Variants in CAMK2D observed in about 807,000 individuals in gnomAD.
CAMK2D encodes the protein calcium/calmodulin dependent protein kinase II delta.
A neutral mutation model predicts 84.0 loss-of-function variants in CAMK2D; 37 were observed. The ratio of observed to expected loss-of-function variants is 0.44; its 90% CI spans 0.34 to 0.58. CAMK2D has a LOEUF of 0.58. Among genes scored for constraint, CAMK2D ranks in the 20% least tolerant of loss-of-function variants. The pLI is 0.02. For synonymous variants in CAMK2D, 202 were observed against 212.5 expected, an observed-to-expected ratio of 0.95 and a Z score of 0.43; for missense variants, 448 against 652.5, an observed-to-expected ratio of 0.69 and a Z score of 3.41.
intron 2 of CAMK2D, among the ~76,000 whole-genome samples, chr4:113,732,612 G>A (rs78862269): frequency 6.6e-6 from 1 of 152,050 alleles, no homozygotes; most frequent in Non-Finnish European, 1.5e-5. Context: ...TTTAATCAGC[G>A]TGCATGAATT....
chr4:113,542,688 C>G (rs2098538594), intron 6 of CAMK2D, among the ~76,000 whole-genome samples: 1 of 150,164 alleles, frequency 6.7e-6, no homozygotes, highest in African/African-American at 2.5e-5. Flanking sequence ...GCCCTCCAGC[C>G]TGGGCAACAG....
intron 4 of CAMK2D, among the ~76,000 whole-genome samples, chr4:113,606,959 T>C (rs2098980294): frequency 6.6e-6 from 1 of 151,996 alleles, no homozygotes; most frequent in Non-Finnish European, 1.5e-5. Context: ...AGATGTCTCA[T>C]CAAAAATCAA....
intron 6 of CAMK2D, among the ~76,000 whole-genome samples, chr4:113,542,997 T>A (rs947564796): frequency 6.6e-6 from 1 of 152,230 alleles, no homozygotes; most frequent in Admixed American, 6.5e-5. Flanking sequence ...TGTTAATTTG[T>A]TGCTAAAAGA....
chr4:113,523,918 C>T (rs1365521366), intron 8 of CAMK2D, among the ~76,000 whole-genome samples: 1 of 152,022 alleles, frequency 6.6e-6, no homozygotes, highest in African/African-American at 2.4e-5. Flanking sequence ...GGCTGAAGTG[C>T]AGTGGCATGA....
rs1407152791 is a variant in CAMK2D at position 113,761,091 on chromosome 4, G to A, written c.-23C>T. On this transcript the variant is annotated 5_prime_UTR_variant, in exon 1 of 21. Transcript: ENST00000511664. Reference sequence around the variant, plus strand: ...CATCCTCGGTCCGGGCTGTGCCCTGGCTGGGAGCGCGACGGACCAGAAGCG... The same window carrying A: ...CATCCTCGGTCCGGGCTGTGCCCTGACTGGGAGCGCGACGGACCAGAAGCG... The A allele has an allele frequency of 6.2e-7, 1 of 1,613,716 alleles. No homozygotes were observed.
intron 16 of CAMK2D, among the ~76,000 whole-genome samples, chr4:113,497,495 C>T (rs2097954286): frequency 6.6e-6 from 1 of 152,228 alleles, no homozygotes; most frequent in South Asian, 2.1e-4. Context: ...AACCATTAAT[C>T]TCTGACTACT....
intron 17 of CAMK2D, among the ~76,000 whole-genome samples, chr4:113,461,287 T>C (rs1213704963): frequency 6.6e-6 from 1 of 152,206 alleles, no homozygotes; most frequent in Non-Finnish European, 1.5e-5. Flanking sequence ...CAGTAAAGAA[T>C]TGCTGAACAC....
At chr4:113,694,677 T>C (rs1246448598) in intron 2 of CAMK2D, among the ~76,000 whole-genome samples, 1 of 152,124 alleles carries the variant, frequency 6.6e-6, no homozygotes, top group Non-Finnish European at 1.5e-5. Context: ...CCCATCCATA[T>C]ATGATAAAAA....
intron 16 of CAMK2D, among the ~76,000 whole-genome samples, chr4:113,495,499 G>C (rs1215409910): frequency 6.6e-6 from 1 of 152,044 alleles, no homozygotes; most frequent in Admixed American, 6.6e-5. Flanking sequence ...GTTGAATCTG[G>C]GTAATCAGTC....
Position 113,728,435 on chromosome 4 carries a change from T to A in CAMK2D, c.160+30885A>T, listed in dbSNP as rs185839310. Among the ~76,000 whole-genome samples, 208 of 152,242 alleles carry A rather than the reference T, an allele frequency of 1.4e-3. 1 individual carries two copies. The highest frequency in any genetic ancestry group is 4.7e-3 in the African/African-American group (197 of 41,554). On this transcript the variant is annotated intron_variant, in intron 2 of 20. Coordinates refer to ENST00000511664, the MANE Select transcript of CAMK2D (RefSeq NM_001321571.2). The stretch of plus-strand genomic sequence containing the variant: ...CTAACATATGGTGATCAAAACCAGA[T>A]AGTAGTCTGTAGAGTGGGAGGATGT...
chr4:113,715,612 T>G (rs2099511105), intron 2 of CAMK2D, among the ~76,000 whole-genome samples: 1 of 152,242 alleles, frequency 6.6e-6, no homozygotes, highest in East Asian at 1.9e-4. Context: ...ATGTTATAGG[T>G]GGTTTCCAGG....
intron 2 of CAMK2D, among the ~76,000 whole-genome samples, chr4:113,718,070 C>A (rs1166845109): frequency 6.6e-6 from 1 of 151,996 alleles, no homozygotes; most frequent in Non-Finnish European, 1.5e-5. Flanking sequence ...TATAACTGCC[C>A]AATGGGTTTT....
chr4:113,641,847 C>A (rs540883542), intron 3 of CAMK2D, among the ~76,000 whole-genome samples: 1 of 151,434 alleles, frequency 6.6e-6, no homozygotes, highest in East Asian at 1.9e-4. Context: ...GTGTCTCTAC[C>A]AAAAATACAA....
rs190033004 is a variant in CAMK2D, at chr4:113,667,118, G to A, written c.161-5346C>T. On this transcript the variant is annotated intron_variant, in intron 2 of 20. Transcript: ENST00000511664. ...GCTGGCTACTCATTCTCAGAATAGG[G>A]GAAGATAATACTAAATGTACCTAAA... 5.3e-5 allele frequency among the ~76,000 whole-genome samples: 8 copies of A among 152,224 alleles called. No homozygotes were observed. The East Asian group carries it at 1.5e-3, about 29-fold the overall frequency.
chr4:113,561,043 A>T (rs1439199931), intron 4 of CAMK2D, among the ~76,000 whole-genome samples: 1 of 152,172 alleles, frequency 6.6e-6, no homozygotes, highest in Non-Finnish European at 1.5e-5. Flanking sequence ...AGACATGAAC[A>T]CCTAGGAAGA....
At position 113,452,207 on chromosome 4, in the gene CAMK2D, T is replaced by C. The variant is rs1190688681; in HGVS notation, c.*2338A>G. On this transcript the variant is annotated 3_prime_UTR_variant, in exon 21 of 21. Coordinates refer to ENST00000511664, the MANE Select transcript of CAMK2D (RefSeq NM_001321571.2). Reference sequence around the variant, plus strand: ...AGTTTAGAGAAGCTTTTAGGAGTCTTAGTTGTTAACTATATTGTTCTCAGC... The same window carrying C: ...AGTTTAGAGAAGCTTTTAGGAGTCTCAGTTGTTAACTATATTGTTCTCAGC... 6.6e-6 allele frequency: 1 copy of C among 151,840 alleles called. No individual in the cohort carries two copies. The highest frequency in any genetic ancestry group is 2.4e-5 in the African/African-American group (1 of 41,324). 9.4% of individuals were successfully genotyped at this position (151,840 alleles called of 1,614,324 possible).
At chr4:113,727,321 T>G (rs574597190) in intron 2 of CAMK2D, among the ~76,000 whole-genome samples, 1 of 152,238 alleles carries the variant, frequency 6.6e-6, no homozygotes, top group East Asian at 1.9e-4. Context: ...TAAGTGACAG[T>G]AAACAAGACA....
intron 12 of CAMK2D, among the ~76,000 whole-genome samples, chr4:113,511,749 C>G (rs975717495): frequency 6.6e-6 from 1 of 152,178 alleles, no homozygotes; most frequent in African/African-American, 2.4e-5. Context: ...TATTATTACA[C>G]TAAATGAATT....
intron 13 of CAMK2D, 67 bp from the exon 14 acceptor site, chr4:113,505,102 C>A: frequency 2.3e-6 from 2 of 883,226 alleles, no homozygotes; most frequent in Non-Finnish European, 3.5e-6. Flanking sequence ...TCTCTAGATG[C>A]AGCATGTCTA....
Sources: gnomAD v4.1 joint callset for allele counts (sites outside exome capture counted in the v4.1 genomes callset) on GRCh38, gnomAD v4.1.1 for gene constraint, MANE v1.5 for transcripts, NCBI Gene and HGNC (gene_info 2026-07-23, HGNC 2026-07-21) for gene names.